The following SULF1 variants were observed in gnomAD, a reference collection of about 807,000 sequenced individuals.
SULF1 encodes the protein extracellular sulfatase Sulf-1.
Under a neutral mutation model 110.5 loss-of-function variants are expected in SULF1, and 46 were observed. The observed-to-expected ratio is 0.42, with a 90% CI of 0.33 to 0.53. The LOEUF is 0.53. SULF1 is among the 20% of genes least tolerant of loss of function. SULF1 has a pLI of 0.12. For synonymous variants in SULF1, 371 were observed against 387.1 expected (o/e 0.96, Z 0.49); for missense variants, 941 against 1,094.2 (o/e 0.86, Z 1.98).
At chr8:69,469,278 A>G (rs1808986438) in intron 1 of SULF1, 1 of 152,190 alleles carries the variant, frequency 6.6e-6, no homozygotes, top group Non-Finnish European at 1.5e-5. Flanking sequence ...ATACACATGA[A>G]GTTCCCATCA....
intron 19 of SULF1, among the ~76,000 whole-genome samples, chr8:69,632,648 A>T (rs1810668189): frequency 6.6e-6 from 1 of 152,156 alleles, no homozygotes; most frequent in African/African-American, 2.4e-5. Context: ...TTTATTATGT[A>T]CCCATATCAA....
At chr8:69,483,781 C>T (rs554137585) in intron 1 of SULF1, among the ~76,000 whole-genome samples, 9 of 152,208 alleles carry the variant, frequency 5.9e-5, no homozygotes, top group South Asian at 4.1e-4. Flanking sequence ...CAGAGCAAGA[C>T]CCTGTCCCTA....
intron 3 of SULF1, among the ~76,000 whole-genome samples, chr8:69,551,475 A>C (rs1814703914): frequency 6.6e-6 from 1 of 152,218 alleles, no homozygotes; most frequent in Non-Finnish European, 1.5e-5. Flanking sequence ...TCTCCCATGG[A>C]AAACTCCTTC....
intron 1 of SULF1, among the ~76,000 whole-genome samples, chr8:69,476,573 A>T (rs772429053): frequency 2.0e-5 from 3 of 152,174 alleles, no homozygotes; most frequent in Non-Finnish European, 2.9e-5. Flanking sequence ...GACCATGGAG[A>T]CTTGACAGCA....
chr8:69,554,977 TCAAAAAA>T (rs1814994688), intron 3 of SULF1, among the ~76,000 whole-genome samples: 1 of 28,662 alleles, frequency 3.5e-5, no homozygotes, highest in African/African-American at 1.6e-4. Context: ...AGATTCCATC[TCAAAAAA>T]AAAAAAAAAA....
chr8:69,500,545 T>G (rs549582186), intron 2 of SULF1, among the ~76,000 whole-genome samples: 2 of 152,346 alleles, frequency 1.3e-5, no homozygotes, highest in South Asian at 4.1e-4. Context: ...AGATGTAAAC[T>G]TTCACTGTAG....
chr8:69,645,213 G>C (rs1811802488), intron 22 of SULF1, among the ~76,000 whole-genome samples: 1 of 152,138 alleles, frequency 6.6e-6, no homozygotes, highest in South Asian at 2.1e-4. Flanking sequence ...TGGCCACCCT[G>C]GTAAGGTTAA....
chr8:69,565,079 C>G (rs1262437641), intron 5 of SULF1, among the ~76,000 whole-genome samples: 1 of 152,162 alleles, frequency 6.6e-6, no homozygotes, highest in Non-Finnish European at 1.5e-5. Flanking sequence ...CACTTGGTCT[C>G]CATGGAAGGG....
chr8:69,620,308 G>A (rs1288610995), intron 13 of SULF1, among the ~76,000 whole-genome samples: 1 of 152,190 alleles, frequency 6.6e-6, no homozygotes, highest in African/African-American at 2.4e-5. Context: ...GCACAGGATA[G>A]GTGGCATGGC....
intron 3 of SULF1, among the ~76,000 whole-genome samples, chr8:69,538,171 C>A (rs913514600): frequency 2.5e-4 from 38 of 151,876 alleles, no homozygotes; most frequent in African/African-American, 8.9e-4. Context: ...CCGTGTTAGC[C>A]AGGATGTCAA....
At chr8:69,629,391 A>T (rs1323903170) in intron 18 of SULF1, 113 bp from the exon 19 acceptor site, 8 of 1,126,664 alleles carry the variant, frequency 7.1e-6, no homozygotes, top group Non-Finnish European at 1.0e-5. Flanking sequence ...AAGGTCGTCC[A>T]TTATCTCTTA....
chr8:69,517,567 A>C (rs1037128424), intron 3 of SULF1, among the ~76,000 whole-genome samples: 3 of 152,160 alleles, frequency 2.0e-5, no homozygotes, highest in Non-Finnish European at 2.9e-5. Flanking sequence ...TTTAAAAGGC[A>C]GGTAAATGGG....
intron 5 of SULF1, among the ~76,000 whole-genome samples, chr8:69,566,775 G>C (rs188051395): frequency 6.6e-6 from 1 of 151,588 alleles, no homozygotes; most frequent in East Asian, 2.0e-4. Context: ...TGCTTGACCC[G>C]TGAGGCAGAG....
At chr8:69,587,351 G>A (rs1170315278) in intron 7 of SULF1, among the ~76,000 whole-genome samples, 1 of 152,118 alleles carries the variant, frequency 6.6e-6, no homozygotes. Context: ...TCACTTGGTA[G>A]AAATCGGAAG....
At position 69,484,443 on chromosome 8, in the gene SULF1, C is replaced by A. The variant is rs182295418; in HGVS notation, c.-390-11322C>A. Among the ~76,000 whole-genome samples, 861 of 152,174 alleles carry A rather than the reference C, an allele frequency of 5.7e-3. 5 individuals carry two copies. The highest frequency in any genetic ancestry group is 8.5e-3 in the Non-Finnish European group (577 of 68,006). ...ATGATCTAAATACTTAAAGACAGGACCTAAAAATTAAGTTGGCTCAATTCA... is the reference window on the plus strand; with the variant it reads ...ATGATCTAAATACTTAAAGACAGGAACTAAAAATTAAGTTGGCTCAATTCA... On this transcript the variant is annotated intron_variant, in intron 1 of 22. Transcript: ENST00000260128.
At chr8:69,599,375 G>A (rs764368878) in intron 8 of SULF1, among the ~76,000 whole-genome samples, 15 of 152,108 alleles carry the variant, frequency 9.9e-5, no homozygotes, top group African/African-American at 2.9e-4. Context: ...AATCTCAGAC[G>A]TAGCAAGCAC....
chr8:69,483,928 G>A (rs1047089267), intron 1 of SULF1, among the ~76,000 whole-genome samples: 1 of 152,182 alleles, frequency 6.6e-6, no homozygotes. Context: ...GTACAAGTAA[G>A]TGCTATACAT....
chr8:69,493,448 TACACACACACACACACACACAC>T (rs56867664), intron 1 of SULF1, among the ~76,000 whole-genome samples: 6 of 144,386 alleles, frequency 4.2e-5, no homozygotes, highest in African/African-American at 1.0e-4. Context: ...CACACAACAC[TACACACACACACACACACACAC>T]ACACACACAC....
intron 3 of SULF1, among the ~76,000 whole-genome samples, chr8:69,546,126 A>C (rs543578177): frequency 5.3e-4 from 80 of 152,352 alleles, no homozygotes; most frequent in African/African-American, 1.9e-3. Context: ...ACTGCAAATA[A>C]AATTGGGATC....
Sources: gnomAD v4.1 joint callset for allele counts (sites outside exome capture counted in the v4.1 genomes callset) on GRCh38, gnomAD v4.1.1 for gene constraint, MANE v1.5 for transcripts, NCBI Gene and HGNC (gene_info 2026-07-23, HGNC 2026-07-21) for gene names.